The following NRCAM variants were observed in gnomAD, a reference collection of about 807,000 sequenced individuals.
NRCAM encodes NgCAM-related cell adhesion molecule.
Under a neutral mutation model 156.5 loss-of-function variants are expected in NRCAM, and 83 were observed. The observed-to-expected ratio is 0.53, with a 90% CI of 0.44 to 0.64. NRCAM has a LOEUF of 0.64. Among genes scored for constraint, NRCAM ranks in the 30% least tolerant of loss-of-function variants. The pLI is 0.00. For synonymous variants in NRCAM, 538 were observed against 563.9 expected, an observed-to-expected ratio of 0.95 and a Z score of 0.65; for missense variants, 1,417 against 1,597.3, an observed-to-expected ratio of 0.89 and a Z score of 1.92.
At chr7:108,344,163 G>T (rs1401853721) in intron 2 of NRCAM, among the ~76,000 whole-genome samples, 1 of 152,106 alleles carries the variant, frequency 6.6e-6, no homozygotes, top group African/African-American at 2.4e-5. Flanking sequence ...TTGAGAGGGG[G>T]TACTGAGAGA....
chr7:108,178,191 G>T, intron 25 of NRCAM, 79 bp from the exon 26 acceptor site: 2 of 1,471,112 alleles, frequency 1.4e-6, no homozygotes, highest in Non-Finnish European at 1.9e-6. Context: ...CACCGTGCTC[G>T]CACGATTCAA....
intron 11 of NRCAM, among the ~76,000 whole-genome samples, chr7:108,222,106 C>T (rs527984452): frequency 1.3e-5 from 2 of 152,252 alleles, no homozygotes; most frequent in South Asian, 2.1e-4. Context: ...AATCTATATA[C>T]ATGTGGAATC....
intron 1 of NRCAM, among the ~76,000 whole-genome samples, chr7:108,441,732 A>G (rs1838741693): frequency 6.6e-6 from 1 of 152,220 alleles, no homozygotes; most frequent in African/African-American, 2.4e-5. Flanking sequence ...ATAATAGCAT[A>G]AAGCAGGGTT....
intron 32 of NRCAM, among the ~76,000 whole-genome samples, chr7:108,153,845 G>A (rs1184122753): frequency 1.3e-5 from 2 of 152,050 alleles, no homozygotes; most frequent in Non-Finnish European, 2.9e-5. Flanking sequence ...TAAACATGAA[G>A]TATATAAAGA....
intron 32 of NRCAM, chr7:108,156,756 A>G (rs2045722228): frequency 6.6e-6 from 1 of 152,166 alleles, no homozygotes; most frequent in Non-Finnish European, 1.5e-5. Flanking sequence ...AAAGAGAATA[A>G]GAATCAATAA....
rs533991431 is a variant in NRCAM at position 108,242,528 on chromosome 7, C to A, written c.-106-2358G>T. On this transcript the variant is annotated intron_variant, in intron 3 of 32. Coordinates refer to ENST00000379028, the MANE Select transcript of NRCAM (RefSeq NM_001037132.4). The stretch of plus-strand genomic sequence containing the variant: ...ATCATTTAGTCAAATTTAATTAGGT[C>A]TCTCGTGAGTTTTTGGTTGAAACAC... 3.9e-5 allele frequency among the ~76,000 whole-genome samples: 6 copies of A among 152,258 alleles called. No individual in the cohort carries two copies. The South Asian group carries it at 6.2e-4, about 16-fold the overall frequency.
At chr7:108,254,046 C>G (rs1311311111) in intron 3 of NRCAM, among the ~76,000 whole-genome samples, 2 of 152,158 alleles carry the variant, frequency 1.3e-5, no homozygotes, top group African/African-American at 2.4e-5. Flanking sequence ...GTTTTTCAAT[C>G]CTTGGCATAA....
intron 1 of NRCAM, among the ~76,000 whole-genome samples, chr7:108,408,615 A>T (rs1015730171): frequency 2.6e-4 from 40 of 152,258 alleles, no homozygotes; most frequent in African/African-American, 9.2e-4. Flanking sequence ...ACAATAAAAT[A>T]GCCAAAGCCT....
chr7:108,391,809 G>T (rs924031050), intron 2 of NRCAM, among the ~76,000 whole-genome samples: 1 of 152,144 alleles, frequency 6.6e-6, no homozygotes, highest in Non-Finnish European at 1.5e-5. Flanking sequence ...GTCAGTAAAG[G>T]ATTTTATTTC....
In NRCAM at chr7:108,226,111, C is replaced by G; in HGVS notation, c.721+97G>C. On this transcript the variant is annotated intron_variant, in intron 9 of 32. Transcript: ENST00000379028. ...CATGGGTGGCTTCCTGATAATGAACCTGTTTACTTCAAAGTCAGTAGTATA... is the reference window on the plus strand; with the variant it reads ...CATGGGTGGCTTCCTGATAATGAACGTGTTTACTTCAAAGTCAGTAGTATA... 3 of 826,224 alleles carry G rather than the reference C, an allele frequency of 3.6e-6. No homozygotes were observed. The South Asian group carries it at 5.9e-5, about 16-fold the overall frequency. The allele number at this position is 826,224 out of a possible 1,614,324, so 51.2% of individuals were successfully genotyped here.
intron 30 of NRCAM, among the ~76,000 whole-genome samples, chr7:108,165,490 A>G (rs2053442530): frequency 6.6e-6 from 1 of 152,238 alleles, no homozygotes. Context: ...TATGAAGATA[A>G]TATCTACTTG....
At chr7:108,249,125 C>A (rs2096171589) in intron 3 of NRCAM, among the ~76,000 whole-genome samples, 1 of 152,180 alleles carries the variant, frequency 6.6e-6, no homozygotes, top group Non-Finnish European at 1.5e-5. Context: ...TCAGATTTAC[C>A]AAACCCAAAG....
At chr7:108,183,569 C>T (rs1243241238) in intron 22 of NRCAM, among the ~76,000 whole-genome samples, 5 of 149,754 alleles carry the variant, frequency 3.3e-5, no homozygotes, top group African/African-American at 1.2e-4. Context: ...TGGAATCTTG[C>T]TCTGTCACCC....
At chr7:108,218,231 C>T (rs2090513392) in intron 11 of NRCAM, among the ~76,000 whole-genome samples, 1 of 152,002 alleles carries the variant, frequency 6.6e-6, no homozygotes, top group Admixed American at 6.5e-5. Context: ...GACACCCCCA[C>T]CCTGCTTCGG....
intron 10 of NRCAM, among the ~76,000 whole-genome samples, chr7:108,224,969 C>T (rs1391814855): frequency 6.6e-6 from 1 of 152,104 alleles, no homozygotes; most frequent in Non-Finnish European, 1.5e-5. Flanking sequence ...GAAATTCTAC[C>T]TTATGGATAA....
rs2099761457 is a variant in NRCAM at position 108,391,925 on chromosome 7, G to T, written c.-174+7511C>A. ...GCCCCACTCTCTTCTGGCTTGCAGA[G>T]TTTCTGCCGAGAGATCCGCTGTTAG... is the stretch of plus-strand genomic sequence containing the variant. On this transcript the variant is annotated intron_variant, in intron 2 of 32. Transcript: ENST00000379028. Among the ~76,000 whole-genome samples, 5 of 152,340 alleles carry T rather than the reference G, an allele frequency of 3.3e-5. No homozygotes were observed. In the South Asian group the frequency reaches 1.0e-3, roughly 32 times the overall value.
At chr7:108,425,871 A>G (rs1234273959) in intron 1 of NRCAM, among the ~76,000 whole-genome samples, 1 of 152,214 alleles carries the variant, frequency 6.6e-6, no homozygotes, top group Non-Finnish European at 1.5e-5. Context: ...CCAATTACTA[A>G]GGAAAGCCTC....
intron 30 of NRCAM, 56 bp from the exon 31 acceptor site, chr7:108,160,548 C>T (rs1347067346): frequency 3.3e-6 from 5 of 1,535,994 alleles, no homozygotes; most frequent in Admixed American, 4.1e-5. Flanking sequence ...ATGGGAACTG[C>T]TGCAGTCTCT....
chr7:108,322,101 TGAG>T lies in NRCAM; in HGVS notation c.-173-9373_-173-9371del, dbSNP rs548669315. On this transcript the variant is annotated intron_variant, in intron 2 of 32. Coordinates refer to ENST00000379028, the MANE Select transcript of NRCAM (RefSeq NM_001037132.4). ...AATAAATCTCATTATAAAGATGAAA[TGAG>T]GAGAAGTTTTGAAAAACTTTCAAAC... Among the ~76,000 whole-genome samples the T allele has an allele frequency of 5.4e-4, 83 of 152,308 alleles. 1 individual carries two copies. The highest frequency in any genetic ancestry group is 1.9e-3 in the African/African-American group (80 of 41,574).
Sources: gnomAD v4.1 joint callset for allele counts (sites outside exome capture counted in the v4.1 genomes callset) on GRCh38, gnomAD v4.1.1 for gene constraint, MANE v1.5 for transcripts, NCBI Gene and HGNC (gene_info 2026-07-23, HGNC 2026-07-21) for gene names.